TMOD2: variants seen among roughly 807,000 people sequenced by gnomAD.
TMOD2 encodes the protein tropomodulin 2.
A neutral mutation model predicts 39.9 loss-of-function variants in TMOD2; 22 were observed. That is an observed-to-expected ratio of 0.55 (90% confidence interval 0.39 to 0.79). TMOD2 has a LOEUF of 0.79. Ranked by LOEUF, TMOD2 falls within the 30% of genes least tolerant of loss-of-function variation. The pLI is 0.00. For missense variants in TMOD2, 386 were observed against 413.3 expected (o/e 0.93, Z 0.57); for synonymous variants, 123 against 146.1 (o/e 0.84, Z 1.14).
intron 7 of TMOD2, among the ~76,000 whole-genome samples, chr15:51,789,348 A>G (rs1159141375): frequency 6.6e-6 from 1 of 152,244 alleles, no homozygotes; most frequent in East Asian, 1.9e-4. Flanking sequence ...AGGAGCACCC[A>G]GATTCATAAA....
At chr15:51,755,307 C>T (rs966317547) in intron 1 of TMOD2, among the ~76,000 whole-genome samples, 1 of 152,226 alleles carries the variant, frequency 6.6e-6, no homozygotes, top group African/African-American at 2.4e-5. Context: ...TTCAGCACAA[C>T]CTTCCTTAAA....
At chr15:51,757,569 G>C (rs2055751108) in intron 1 of TMOD2, among the ~76,000 whole-genome samples, 1 of 152,138 alleles carries the variant, frequency 6.6e-6, no homozygotes, top group African/African-American at 2.4e-5. Flanking sequence ...TGCCCACCAG[G>C]ACTCCTGGAA....
chr15:51,760,532 T>G (rs1200408998), intron 1 of TMOD2, among the ~76,000 whole-genome samples: 1 of 152,104 alleles, frequency 6.6e-6, no homozygotes, highest in Non-Finnish European at 1.5e-5. Context: ...GGGCTGGGCG[T>G]GGTGGCTCAC....
At chr15:51,785,948 A>T (rs1159828597) in intron 7 of TMOD2, among the ~76,000 whole-genome samples, 1 of 152,208 alleles carries the variant, frequency 6.6e-6, no homozygotes, top group Non-Finnish European at 1.5e-5. Context: ...AAAACATTTT[A>T]AATTTAACAT....
intron 7 of TMOD2, among the ~76,000 whole-genome samples, chr15:51,797,712 A>T (rs1053728492): frequency 1.3e-5 from 2 of 152,158 alleles, no homozygotes; most frequent in African/African-American, 4.8e-5. Context: ...GTTATTTTTT[A>T]AAAATTCTGA....
intron 7 of TMOD2, among the ~76,000 whole-genome samples, chr15:51,793,512 A>G (rs558094281): frequency 3.3e-4 from 50 of 152,326 alleles, no homozygotes; most frequent in African/African-American, 1.2e-3. Flanking sequence ...TTTCCATACA[A>G]TCCTATAAAG....
chr15:51,784,874 T>A (rs1324060040), intron 7 of TMOD2: 1 of 152,236 alleles, frequency 6.6e-6, no homozygotes, highest in East Asian at 1.9e-4. Context: ...ATTGCAGGGC[T>A]GGGGTTAGTT....
chr15:51,756,509 C>T (rs1168749435), intron 1 of TMOD2: 7 of 152,192 alleles, frequency 4.6e-5, no homozygotes, highest in Admixed American at 3.3e-4. Context: ...GAGGAAGGAC[C>T]AGAAGTTTGG....
chr15:51,759,716 A>C (rs536126519), intron 1 of TMOD2, among the ~76,000 whole-genome samples: 2 of 152,360 alleles, frequency 1.3e-5, no homozygotes, highest in African/African-American at 2.4e-5. Context: ...CATTCCAAGT[A>C]ATATTAATGT....
chr15:51,799,366 G>A (rs919010823), intron 8 of TMOD2, among the ~76,000 whole-genome samples: 2 of 152,144 alleles, frequency 1.3e-5, no homozygotes, highest in African/African-American at 2.4e-5. Context: ...TGATAAAGCC[G>A]CAGAGTGCCA....
intron 7 of TMOD2, among the ~76,000 whole-genome samples, chr15:51,796,285 C>G (rs187379197): frequency 8.5e-4 from 129 of 152,288 alleles, no homozygotes; most frequent in Admixed American, 2.0e-3. Context: ...ATAAGCCTCT[C>G]TGAGGACAAG....
Position 51,812,190 on chromosome 15 carries a change from A to G in TMOD2, c.*3736A>G, listed in dbSNP as rs1250054694. On this transcript the variant is annotated 3_prime_UTR_variant, in exon 10 of 10. Transcript: ENST00000249700. The stretch of plus-strand genomic sequence containing the variant: ...TGGAGGGGCATGCAGTTCATCTTAC[A>G]ATAAAAGCCCATTCATTTAAAAACT... The G allele has an allele frequency of 6.6e-6, 1 of 152,208 alleles. No homozygotes were observed. Among genetic ancestry groups the G allele is most frequent in the Non-Finnish European group, 1.5e-5 (1 of 68,038 alleles). 9.4% of individuals were successfully genotyped at this position (152,208 alleles called of 1,614,324 possible).
chr15:51,795,740 A>G (rs1169657595), intron 7 of TMOD2, among the ~76,000 whole-genome samples: 1 of 151,684 alleles, frequency 6.6e-6, no homozygotes, highest in Non-Finnish European at 1.5e-5. Context: ...TTTGCTGTAT[A>G]TCCTTGGAAA....
At chr15:51,795,606 C>CTTTCTTTCTTTCT (rs1482712546) in intron 7 of TMOD2, among the ~76,000 whole-genome samples, 5 of 126,144 alleles carry the variant, frequency 4.0e-5, no homozygotes, top group African/African-American at 1.5e-4. Context: ...TTCTTTCTTT[C>CTTTCTTTCTTTCT]TTTCTTTCTT....
intron 7 of TMOD2, among the ~76,000 whole-genome samples, chr15:51,786,047 C>CAT (rs1266180149): frequency 2.0e-5 from 3 of 151,886 alleles, no homozygotes; most frequent in East Asian, 1.9e-4. Flanking sequence ...CGTATATATA[C>CAT]ATATATATAT....
intron 2 of TMOD2, 81 bp from the exon 3 acceptor site, chr15:51,768,181 A>T (rs1183058403): frequency 1.3e-6 from 2 of 1,521,710 alleles, no homozygotes; most frequent in East Asian, 4.5e-5. Context: ...CCCAGCACAT[A>T]GTGAGTGGGG....
intron 2 of TMOD2, 193 bp downstream of exon 2, chr15:51,766,760 T>G (rs772183725): frequency 6.3e-5 from 28 of 442,072 alleles, no homozygotes; most frequent in South Asian, 5.6e-4. Context: ...ATACAGCAAA[T>G]GTATTTCTCA....
At chr15:51,792,694 A>AT (rs1256319892) in intron 7 of TMOD2, among the ~76,000 whole-genome samples, 1 of 152,236 alleles carries the variant, frequency 6.6e-6, no homozygotes. Context: ...ATAAAAAAGG[A>AT]TTAGTTCATA....
At chr15:51,763,375 AAGTGAAAT>A (rs2141615169) in intron 1 of TMOD2, among the ~76,000 whole-genome samples, 2 of 152,260 alleles carry the variant, frequency 1.3e-5, no homozygotes, top group Non-Finnish European at 1.5e-5. Context: ...GGGGAAATGT[AAGTGAAAT>A]GCATTCATTA....
Sources: gnomAD v4.1 joint callset for allele counts (sites outside exome capture counted in the v4.1 genomes callset) on GRCh38, gnomAD v4.1.1 for gene constraint, MANE v1.5 for transcripts, NCBI Gene and HGNC (gene_info 2026-07-23, HGNC 2026-07-21) for gene names.